SNX10: variants seen among roughly 807,000 people sequenced by gnomAD.
SNX10 encodes sorting nexin-10.
A neutral mutation model predicts 28.5 loss-of-function variants in SNX10; 25 were observed. The observed-to-expected ratio is 0.88, with a 90% CI of 0.64 to 1.22. SNX10 has a LOEUF of 1.22. SNX10 is among the 50% of genes most tolerant of loss of function. SNX10 has a pLI of 0.00. For synonymous variants in SNX10, 62 were observed against 81.4 expected (o/e 0.76, Z 1.28); for missense variants, 223 against 242.6 (o/e 0.92, Z 0.54).
rs548546502 is a variant in SNX10 at position 26,349,644 on chromosome 7, T to G, written c.24+3178T>G. 3.3e-5 allele frequency among the ~76,000 whole-genome samples: 5 copies of G among 152,328 alleles called. No individual in the cohort carries two copies. In the South Asian group the frequency reaches 1.0e-3, roughly 32 times the overall value. ...AAAATATTATGGTTACATATTTTAATAAGAATAATTAGATGGACCCAACTG... is the reference window on the plus strand; with the variant it reads ...AAAATATTATGGTTACATATTTTAAGAAGAATAATTAGATGGACCCAACTG... On this transcript the variant is annotated intron_variant, in intron 2 of 6. Coordinates refer to ENST00000338523, the MANE Select transcript of SNX10 (RefSeq NM_013322.3).
At chr7:26,362,659 T>C (rs1789124757) in intron 3 of SNX10, among the ~76,000 whole-genome samples, 3 of 152,346 alleles carry the variant, frequency 2.0e-5, no homozygotes, top group South Asian at 2.1e-4. Flanking sequence ...TAAAAGTGGA[T>C]GGCAGAGCTA....
At chr7:26,314,619 C>A (rs988127585) in intron 1 of SNX10, among the ~76,000 whole-genome samples, 2 of 152,086 alleles carry the variant, frequency 1.3e-5, no homozygotes, top group African/African-American at 2.4e-5. Flanking sequence ...ATGCAGTTCC[C>A]TTTTTTTCTA....
rs552625013 is a variant in SNX10 at position 26,373,605 on chromosome 7, C to T, written c.*1033C>T. On this transcript the variant is annotated 3_prime_UTR_variant, in exon 7 of 7. Transcript: ENST00000338523. The surrounding 1 kb of genome is among the most constrained non-coding windows in gnomAD (Gnocchi z 4.2). ...ATAAAATGTCTTTTTTTTTAGTGTC[C>T]CAAAGATATCTTAGATAAACTATTT... The T allele has an allele frequency of 4.0e-5, 6 of 151,150 alleles. No individual in the cohort carries two copies. The South Asian group carries it at 1.3e-3, about 32-fold the overall frequency. 9.4% of individuals were successfully genotyped at this position (151,150 alleles called of 1,614,324 possible). A position where few individuals can be genotyped will look rare whatever the true frequency, so the allele number is the denominator to read the frequency against.
intron 1 of SNX10, among the ~76,000 whole-genome samples, chr7:26,344,619 T>A (rs995534291): frequency 6.6e-6 from 1 of 152,206 alleles, no homozygotes; most frequent in African/African-American, 2.4e-5. Context: ...TGTCCTTTCC[T>A]ATCAGTTCCA....
At chr7:26,349,229 T>C (rs890282004) in intron 2 of SNX10, among the ~76,000 whole-genome samples, 2 of 152,338 alleles carry the variant, frequency 1.3e-5, no homozygotes, top group East Asian at 1.9e-4. Context: ...TAATTAATCA[T>C]GAGGTTGGCA....
intron 3 of SNX10, among the ~76,000 whole-genome samples, chr7:26,363,903 G>A (rs1029148650): frequency 6.6e-6 from 1 of 152,196 alleles, no homozygotes; most frequent in African/African-American, 2.4e-5. Flanking sequence ...GACTTGCCCT[G>A]TAGCAGAACC....
rs561318996 is a variant in SNX10 at position 26,372,503 on chromosome 7, G to A, written c.537G>A (p.Gly179=). 1.4e-4 allele frequency: 224 copies of A among 1,607,408 alleles called. 1 individual carries two copies. The South Asian group carries it at 2.3e-3, about 17-fold the overall frequency. Residue 179 remains glycine, a synonymous_variant, in exon 7 of 7, where the codon GGG becomes GGA. Coordinates refer to ENST00000338523, the MANE Select transcript of SNX10 (RefSeq NM_013322.3). ...IDYDSESSSS[G]LGHSSDDSSS... ...TCTTCTTTTCCAGTTCATCCTCTGG[G>A]CTTGGACACAGTAGTGATGACAGCA...
At chr7:26,333,972 G>A (rs772086360) in intron 1 of SNX10, among the ~76,000 whole-genome samples, 6 of 152,150 alleles carry the variant, frequency 3.9e-5, no homozygotes, top group East Asian at 1.9e-4. Flanking sequence ...AAGGCAATCC[G>A]ATTGGACTAA....
At chr7:26,324,026 A>G (rs1787404621) in intron 1 of SNX10, among the ~76,000 whole-genome samples, 1 of 152,146 alleles carries the variant, frequency 6.6e-6, no homozygotes, top group Non-Finnish European at 1.5e-5. Flanking sequence ...TCACGCCCTC[A>G]CTTAGGTTGA....
intron 1 of SNX10, among the ~76,000 whole-genome samples, chr7:26,298,603 A>G (rs1480730300): frequency 6.6e-6 from 1 of 152,228 alleles, no homozygotes; most frequent in Non-Finnish European, 1.5e-5. Context: ...TCCCTCTGAA[A>G]TACTTGCCTA....
At chr7:26,354,861 C>T (rs1344659795) in intron 2 of SNX10, among the ~76,000 whole-genome samples, 2 of 151,770 alleles carry the variant, frequency 1.3e-5, no homozygotes, top group East Asian at 1.9e-4. Context: ...TGTGGATTGC[C>T]CTTTTGAGAT....
chr7:26,348,321 AG>A (rs1788468689), intron 2 of SNX10, among the ~76,000 whole-genome samples: 1 of 152,216 alleles, frequency 6.6e-6, no homozygotes, highest in Non-Finnish European at 1.5e-5. Flanking sequence ...TGCAAGGTTA[AG>A]GGCATAGTTC....
chr7:26,321,824 G>T (rs1376907012), intron 1 of SNX10, among the ~76,000 whole-genome samples: 1 of 151,748 alleles, frequency 6.6e-6, no homozygotes, highest in Non-Finnish European at 1.5e-5. Context: ...GCCCAGGCTG[G>T]CCTCAAACTC....
intron 1 of SNX10, among the ~76,000 whole-genome samples, chr7:26,314,441 A>G (rs1009122121): frequency 7.2e-5 from 11 of 152,070 alleles, no homozygotes; most frequent in African/African-American, 2.7e-4. Flanking sequence ...TTTTTAGTAG[A>G]TGGAGTTTTA....
intron 1 of SNX10, among the ~76,000 whole-genome samples, chr7:26,327,183 T>A (rs1014958371): frequency 6.6e-6 from 1 of 152,114 alleles, no homozygotes; most frequent in Non-Finnish European, 1.5e-5. Context: ...ACTCCTTACC[T>A]CAGATCATCC....
At chr7:26,363,991 C>T (rs891985063) in intron 3 of SNX10, among the ~76,000 whole-genome samples, 6 of 152,158 alleles carry the variant, frequency 3.9e-5, no homozygotes, top group Non-Finnish European at 8.8e-5. Context: ...CTGGCTCGGA[C>T]GGACACGCTC....
intron 1 of SNX10, among the ~76,000 whole-genome samples, chr7:26,306,946 A>G (rs78120041): frequency 0.012 from 1,783 of 152,280 alleles, 36 homozygotes; most frequent in African/African-American, 0.04. Flanking sequence ...AAAGGGCAGA[A>G]TGTGAATTCA....
In SNX10 at chr7:26,331,723, A is replaced by G. The variant is rs1787756826; in HGVS notation, c.-23-14697A>G. Among the ~76,000 whole-genome samples the G allele has an allele frequency of 2.0e-5, 3 of 152,176 alleles. 1 individual carries two copies. Among genetic ancestry groups the G allele is most frequent in the African/African-American group, 7.2e-5 (3 of 41,432 alleles). On this transcript the variant is annotated intron_variant, in intron 1 of 6. Transcript: ENST00000338523. ...TGACCTCAAAAAGCAGCAACTCTGT[A>G]CCTTTTGGCTGTCTCTCCCCTACCC...
intron 1 of SNX10, among the ~76,000 whole-genome samples, chr7:26,336,395 A>G (rs1250195838): frequency 6.6e-6 from 1 of 151,932 alleles, no homozygotes; most frequent in Non-Finnish European, 1.5e-5. Context: ...AAGTGCTTTT[A>G]AAAAATCACT....
Sources: allele counts gnomAD v4.1 joint callset (sites outside exome capture counted in the v4.1 genomes callset), GRCh38; gene constraint gnomAD v4.1.1; non-coding constraint Gnocchi (gnomAD v3.1); transcripts MANE v1.5; gene names NCBI Gene and HGNC (gene_info 2026-07-23, HGNC 2026-07-21).